Variants in SOCS6 observed in about 807,000 individuals in gnomAD.
SOCS6 encodes the protein STAT induced STAT inhibitor-4.
Under a neutral mutation model 27.7 loss-of-function variants are expected in SOCS6, and 5 were observed. That is an observed-to-expected ratio of 0.18 (90% CI 0.09 to 0.38). The LOEUF is 0.38. Ranked by LOEUF, SOCS6 falls within the 10% of genes least tolerant of loss-of-function variation. The probability of loss-of-function intolerance (pLI) is 1.00; values close to 1 mark genes in which losing one functional copy is unlikely to be tolerated. For missense variants in SOCS6, 595 were observed against 688.1 expected (o/e 0.86, Z 1.51); for synonymous variants, 271 against 260.0 (o/e 1.04, Z -0.41).
intron 1 of SOCS6, among the ~76,000 whole-genome samples, chr18:70,318,964 G>A (rs1910876813): frequency 6.6e-6 from 1 of 151,900 alleles, no homozygotes; most frequent in Admixed American, 6.6e-5. Context: ...AAAGAAAAAA[G>A]AGAAGAGAAA....
chr18:70,316,007 C>T (rs7232576), intron 1 of SOCS6, among the ~76,000 whole-genome samples: 3 of 151,760 alleles, frequency 2.0e-5, no homozygotes, highest in Admixed American at 1.3e-4. Flanking sequence ...CCTGCCACCA[C>T]GCCCAGCGAA....
chr18:70,320,037 G>A (rs113262135), intron 1 of SOCS6, among the ~76,000 whole-genome samples: 30 of 152,022 alleles, frequency 2.0e-4, no homozygotes, highest in African/African-American at 6.8e-4. Context: ...TGTTGCCCAG[G>A]CTGGAGTGCA....
At chr18:70,306,872 A>G (rs960542268) in intron 1 of SOCS6, among the ~76,000 whole-genome samples, 5 of 152,130 alleles carry the variant, frequency 3.3e-5, no homozygotes, top group Non-Finnish European at 5.9e-5. Flanking sequence ...TAGTGCATCA[A>G]TTGGTTATTG....
chr18:70,312,720 A>G (rs574003505), intron 1 of SOCS6, among the ~76,000 whole-genome samples: 2 of 151,684 alleles, frequency 1.3e-5, no homozygotes, highest in East Asian at 3.9e-4. Flanking sequence ...TTACGTAAAC[A>G]CCACCACAAT....
intron 1 of SOCS6, among the ~76,000 whole-genome samples, chr18:70,313,058 G>A (rs1026286902): frequency 6.6e-6 from 1 of 152,122 alleles, no homozygotes; most frequent in South Asian, 2.1e-4. Flanking sequence ...GGGATTACAG[G>A]CGTGAGCCAC....
At chr18:70,319,739 T>C (rs754553320) in intron 1 of SOCS6, among the ~76,000 whole-genome samples, 8 of 152,188 alleles carry the variant, frequency 5.3e-5, no homozygotes, top group Non-Finnish European at 1.2e-4. Flanking sequence ...AATGTGAATA[T>C]TTCAAAGACA....
Position 70,329,290 on chromosome 18 carries a change from A to G in SOCS6, c.*3014A>G, listed in dbSNP as rs941297790. ...AAAATAGTTTTTAAGGAAACCAGCT[A>G]CACGGGGCAACCAACCATCTTGCTG... On this transcript the variant is annotated 3_prime_UTR_variant, in exon 2 of 2. Coordinates refer to ENST00000397942, the MANE Select transcript of SOCS6 (RefSeq NM_004232.4). 2 of 167,096 alleles carry G rather than the reference A, an allele frequency of 1.2e-5. No individual in the cohort carries two copies. The highest frequency in any genetic ancestry group is 1.3e-4 in the Admixed American group (2 of 15,284). 10.4% of individuals were successfully genotyped at this position (167,096 alleles called of 1,614,324 possible).
At chr18:70,310,913 A>C (rs1375497193) in intron 1 of SOCS6, among the ~76,000 whole-genome samples, 2 of 152,196 alleles carry the variant, frequency 1.3e-5, no homozygotes, top group Non-Finnish European at 1.5e-5. Context: ...TTATTAAACT[A>C]AGGTTCAGTT....
rs1451057194 is a variant in SOCS6 at position 70,305,882 on chromosome 18, G to GGTGGGTGTGT, written c.-127+16794_-127+16803dup. ...TGTTGCTAGGTTTGTAGGCTTGTAG[G>GGTGGGTGTGT]GTGGGTGTGTGGGGGTGTGTGTGTG... On this transcript the variant is annotated intron_variant, in intron 1 of 1. Transcript: ENST00000397942. Among the ~76,000 whole-genome samples, 85 of 152,074 alleles carry GGTGGGTGTGT rather than the reference G, an allele frequency of 5.6e-4. 1 individual carries two copies. Among genetic ancestry groups the GGTGGGTGTGT allele is most frequent in the African/African-American group, 2.0e-3 (84 of 41,480 alleles).
chr18:70,291,599 G>A (rs761222305), intron 1 of SOCS6, among the ~76,000 whole-genome samples: 3 of 152,068 alleles, frequency 2.0e-5, no homozygotes, highest in Non-Finnish European at 2.9e-5. Flanking sequence ...CTTTTTGATG[G>A]AGCAAAAACG....
chr18:70,296,906 C>CTTTTTTTTTTTTTTTT (rs375704179), intron 1 of SOCS6, among the ~76,000 whole-genome samples: 62 of 129,120 alleles, frequency 4.8e-4, no homozygotes, highest in East Asian at 2.5e-3. Context: ...CATTTTCTTT[C>CTTTTTTTTTTTTTTTT]TTTTTTTTTT....
At position 70,305,296 on chromosome 18, in the gene SOCS6, G is replaced by A. The variant is rs111996143; in HGVS notation, c.-127+16206G>A. ...ACTTAATTCTTACCTATGGTGTGAA[G>A]TAAGGGTTTACATTTTTGTTTTTAG... is the stretch of plus-strand genomic sequence containing the variant. On this transcript the variant is annotated intron_variant, in intron 1 of 1. Transcript: ENST00000397942. Among the ~76,000 whole-genome samples, 11 of 152,344 alleles carry A rather than the reference G, an allele frequency of 7.2e-5. 1 individual carries two copies. Among genetic ancestry groups the A allele is most frequent in the African/African-American group, 2.2e-4 (9 of 41,586 alleles).
chr18:70,289,855 T>C (rs2062291033), intron 1 of SOCS6, among the ~76,000 whole-genome samples: 1 of 152,014 alleles, frequency 6.6e-6, no homozygotes, highest in Admixed American at 6.6e-5. Flanking sequence ...GCTTCGGGAG[T>C]TGGCAACTTC....
intron 1 of SOCS6, among the ~76,000 whole-genome samples, chr18:70,319,831 T>G (rs1910910267): frequency 6.6e-6 from 1 of 152,102 alleles, no homozygotes; most frequent in Admixed American, 6.5e-5. Context: ...GCTAACTAGC[T>G]CCTTTTTTTC....
At chr18:70,300,886 A>G (rs2095681979) in intron 1 of SOCS6, among the ~76,000 whole-genome samples, 1 of 152,206 alleles carries the variant, frequency 6.6e-6, no homozygotes, top group Non-Finnish European at 1.5e-5. Context: ...ACTTTTTTAA[A>G]TCTACCTTTG....
chr18:70,328,007 A>G lies in SOCS6; in HGVS notation c.*1731A>G, dbSNP rs1911276220. 1 of 167,070 alleles carries G rather than the reference A, an allele frequency of 6.0e-6. No homozygotes were observed. The highest frequency in any genetic ancestry group is 1.5e-5 in the Non-Finnish European group (1 of 68,112). The allele number at this position is 167,070 out of a possible 1,614,324, so 10.3% of individuals were successfully genotyped here. A position where few individuals can be genotyped will look rare whatever the true frequency, so the allele number is the denominator to read the frequency against. On this transcript the variant is annotated 3_prime_UTR_variant, in exon 2 of 2. Transcript: ENST00000397942. ...TATTTTGACTTAAAGGGGAAAAGGTACTTAATTTTGGTGGGATGTTGATTG... is the reference window on the plus strand; with the variant it reads ...TATTTTGACTTAAAGGGGAAAAGGTGCTTAATTTTGGTGGGATGTTGATTG...
intron 1 of SOCS6, among the ~76,000 whole-genome samples, chr18:70,308,292 A>T (rs558516829): frequency 6.6e-6 from 1 of 152,232 alleles, no homozygotes; most frequent in African/African-American, 2.4e-5. Flanking sequence ...CATGGACAAG[A>T]TGCAGCCTCA....
At chr18:70,315,980 C>T (rs889375842) in intron 1 of SOCS6, among the ~76,000 whole-genome samples, 1 of 151,966 alleles carries the variant, frequency 6.6e-6, no homozygotes, top group African/African-American at 2.4e-5. Context: ...AAGCGATTCT[C>T]TTGCCTCAGC....
intron 1 of SOCS6, among the ~76,000 whole-genome samples, chr18:70,293,416 T>G (rs1240056677): frequency 3.3e-5 from 5 of 152,152 alleles, no homozygotes; most frequent in Non-Finnish European, 7.3e-5. Context: ...CCAGACTGAC[T>G]GGCAGTGTAG....
Sources: gnomAD v4.1 joint callset for allele counts (sites outside exome capture counted in the v4.1 genomes callset) on GRCh38, gnomAD v4.1.1 for gene constraint, MANE v1.5 for transcripts, NCBI Gene and HGNC (gene_info 2026-07-23, HGNC 2026-07-21) for gene names.